SMC3: variants seen among roughly 807,000 people sequenced by gnomAD.
SMC3 encodes the protein structural maintenance of chromosomes protein 3.
In SMC3, 20 loss-of-function variants were observed where a neutral mutation model predicts 171.8. The ratio of observed to expected loss-of-function variants is 0.12; its 90% CI spans 0.08 to 0.17. The LOEUF (loss-of-function observed/expected upper bound fraction) is 0.17, where lower values mean the gene tolerates loss of function less well. SMC3 is among the 10% of genes least tolerant of loss of function. The pLI, the probability that SMC3 is intolerant of heterozygous loss-of-function variation, is 1.00. For synonymous variants in SMC3, 464 were observed against 451.1 expected (o/e 1.03, Z -0.36); for missense variants, 543 against 1,420.4 (o/e 0.38, Z 9.93).
chr10:110,596,305 A>G (rs950418324), intron 18 of SMC3, 93 bp from the exon 19 acceptor site: 103 of 1,197,916 alleles, frequency 8.6e-5, no homozygotes, highest in Non-Finnish European at 1.1e-4. Context: ...CTCATTATCT[A>G]CTTAAAGCCT....
chr10:110,578,371 C>T (rs994010825), intron 6 of SMC3, among the ~76,000 whole-genome samples: 9 of 152,080 alleles, frequency 5.9e-5, no homozygotes, highest in Non-Finnish European at 1.0e-4. Context: ...GCGCCCAGCC[C>T]GCAATTTTAT....
At chr10:110,568,249 G>A in intron 1 of SMC3, 1 of 233,712 alleles carries the variant, frequency 4.3e-6, no homozygotes. Context: ...TGTGTGGAAA[G>A]GTGGCTTCCC....
At chr10:110,589,248 A>G (rs1861171730) in intron 13 of SMC3, among the ~76,000 whole-genome samples, 1 of 152,178 alleles carries the variant, frequency 6.6e-6, no homozygotes, top group Non-Finnish European at 1.5e-5. Flanking sequence ...AACAAAAAAA[A>G]CAAACTGAAA....
In SMC3 at chr10:110,589,679, T is replaced by C. The variant is rs749890605; in HGVS notation, c.1380T>C (p.Asn460=). 1.2e-6 allele frequency: 2 copies of C among 1,607,414 alleles called. No homozygotes were observed. The highest frequency in any genetic ancestry group is 1.7e-6 in the Non-Finnish European group (2 of 1,174,678). Residue 460 remains asparagine, a synonymous_variant, in exon 14 of 29, where the codon AAT becomes AAC. Transcript: ENST00000361804. ...ACAGAAAATATTACGAAGTAAAAAA[T>C]AAGAAAGATGAACTACAAAGTGAAA... ...ELDRKYYEVK[N]KKDELQSERN... is the part of the protein sequence containing the mutation.
rs149765403 is a variant in SMC3 at position 110,597,098 on chromosome 10, C to T, written c.2116+548C>T. ...GGTGGAGGTTGCGGTGAGCTGAGAT[C>T]ACACCACTGCACTCCAGCCTGGGTG... is the stretch of plus-strand genomic sequence containing the variant. On this transcript the variant is annotated intron_variant, in intron 19 of 28. Transcript: ENST00000361804. 4.1e-3 allele frequency among the ~76,000 whole-genome samples: 615 copies of T among 149,176 alleles called. 4 individuals carry two copies. Among genetic ancestry groups the T allele is most frequent in the African/African-American group, 0.014 (578 of 40,536 alleles).
chr10:110,577,236 A>AG (rs1860965461), intron 4 of SMC3, among the ~76,000 whole-genome samples, 185 bp from the exon 5 acceptor site: 2 of 152,124 alleles, frequency 1.3e-5, no homozygotes, highest in Non-Finnish European at 2.9e-5. Context: ...GGATATCCCC[A>AG]AAGTATGTAT....
intron 4 of SMC3, among the ~76,000 whole-genome samples, chr10:110,576,241 T>C (rs1029995291): frequency 7.2e-5 from 11 of 152,214 alleles, no homozygotes; most frequent in Non-Finnish European, 1.3e-4. Flanking sequence ...ACTCAAATTA[T>C]GGTTTCTACT....
chr10:110,599,648 A>T lies in SMC3; in HGVS notation c.2269-6A>T. The T allele has an allele frequency of 8.1e-6, 13 of 1,613,094 alleles. No individual in the cohort carries two copies. Among genetic ancestry groups the T allele is most frequent in the Non-Finnish European group, 1.1e-5 (13 of 1,179,180 alleles). On this transcript the variant is annotated splice_polypyrimidine_tract_variant and splice_region_variant and intron_variant, in intron 20 of 28. Coordinates refer to ENST00000361804, the MANE Select transcript of SMC3 (RefSeq NM_005445.4). ...ACCTTACTAATAAATGGATAATGTC[A>T]TATAGCAACGTAGCTTACAGAGTTT...
intron 17 of SMC3, among the ~76,000 whole-genome samples, chr10:110,591,446 G>A (rs1461233459): frequency 4.6e-5 from 7 of 152,176 alleles, no homozygotes; most frequent in African/African-American, 1.7e-4. Flanking sequence ...TGTTAAAAGC[G>A]TAAGTACAGG....
At chr10:110,592,638 C>T (rs975573952) in intron 17 of SMC3, among the ~76,000 whole-genome samples, 6 of 151,802 alleles carry the variant, frequency 4.0e-5, no homozygotes, top group African/African-American at 1.5e-4. Context: ...ATATTTAGCC[C>T]TTTTATGTGA....
At chr10:110,592,038 C>T (rs758467199) in intron 17 of SMC3, among the ~76,000 whole-genome samples, 3 of 151,894 alleles carry the variant, frequency 2.0e-5, no homozygotes, top group Non-Finnish European at 1.5e-5. Context: ...GGGAGGTGGG[C>T]GGATCACCTG....
chr10:110,601,906 T>A lies in SMC3; in HGVS notation c.2892+22T>A. ...ACAGGTTGGTTTTAAATTTGAAGTC[T>A]TGTTACAAATTGCTCAGTATATAAA... On this transcript the variant is annotated intron_variant, in intron 24 of 28. Transcript: ENST00000361804. 3 of 1,613,188 alleles carry A rather than the reference T, an allele frequency of 1.9e-6. No individual in the cohort carries two copies. In the South Asian group the frequency reaches 3.3e-5, roughly 18 times the overall value.
intron 13 of SMC3, among the ~76,000 whole-genome samples, chr10:110,586,879 A>T (rs774577273): frequency 3.2e-4 from 48 of 151,168 alleles, no homozygotes; most frequent in Non-Finnish European, 3.8e-4. Flanking sequence ...CTGTTCTCGA[A>T]CTCCTGACCT....
At chr10:110,594,669 T>C (rs911809001) in intron 18 of SMC3, among the ~76,000 whole-genome samples, 4 of 151,856 alleles carry the variant, frequency 2.6e-5, no homozygotes, top group African/African-American at 9.7e-5. Flanking sequence ...CCTCAATTTT[T>C]TTTTTCCTCT....
Position 110,582,622 on chromosome 10 carries a change from G to T in SMC3, c.784G>T (p.Asp262Tyr). ...KSRQLRDAQQ[D>Y]ARDKMEDIER... ...CAGACAATTAAGAGATGCTCAGCAG[G>T]ATGCAAGAGATAAAATGGAGGTAAG... Residue 262 changes from aspartate to tyrosine, a missense_variant, in exon 10 of 29, where the codon GAT becomes TAT. This residue lies in a region of SMC3 where 146 missense variants were observed against 437.9 expected (regional missense o/e 0.33). Transcript: ENST00000361804. 1 of 1,612,472 alleles carries T rather than the reference G, an allele frequency of 6.2e-7. No homozygotes were observed. Among genetic ancestry groups the T allele is most frequent in the Non-Finnish European group, 8.5e-7 (1 of 1,178,500 alleles).
chr10:110,584,473 T>G, intron 13 of SMC3, 77 bp downstream of exon 13: 1 of 1,012,132 alleles, frequency 9.9e-7, no homozygotes, highest in Non-Finnish European at 1.5e-6. Flanking sequence ...CTTCAAGTTT[T>G]CTTTTTAAAT....
intron 5 of SMC3, 109 bp from the exon 6 acceptor site, chr10:110,577,726 T>C: frequency 1.3e-6 from 1 of 786,494 alleles, no homozygotes; most frequent in Non-Finnish European, 2.1e-6. Flanking sequence ...AGTGAGATAA[T>C]TGAAATTTTA....
Position 110,599,643 on chromosome 10 carries a change from A to T in SMC3, c.2269-11A>T. 1 of 1,611,706 alleles carries T rather than the reference A, an allele frequency of 6.2e-7. No individual in the cohort carries two copies. ...CTAATACCTTACTAATAAATGGATA[A>T]TGTCATATAGCAACGTAGCTTACAG... On this transcript the variant is annotated splice_polypyrimidine_tract_variant and intron_variant, in intron 20 of 28. Coordinates refer to ENST00000361804, the MANE Select transcript of SMC3 (RefSeq NM_005445.4).
chr10:110,580,812 C>A, intron 7 of SMC3, 92 bp from the exon 8 acceptor site: 1 of 783,852 alleles, frequency 1.3e-6, no homozygotes, highest in Non-Finnish European at 2.3e-6. Flanking sequence ...GGATACCCAA[C>A]CTTCATGTGT....
Sources: allele counts gnomAD v4.1 joint callset (sites outside exome capture counted in the v4.1 genomes callset), GRCh38; gene constraint gnomAD v4.1.1; regional missense constraint gnomAD v4.1.1; transcripts MANE v1.5; gene names NCBI Gene and HGNC (gene_info 2026-07-23, HGNC 2026-07-21).